ZNF423: variants seen among roughly 807,000 people sequenced by gnomAD.
ZNF423 encodes Ebf-associated zinc finger protein.
A neutral mutation model predicts 95.8 loss-of-function variants in ZNF423; 12 were observed. That is an observed-to-expected ratio of 0.13 (90% CI 0.08 to 0.20). The LOEUF (loss-of-function observed/expected upper bound fraction) is 0.20. Ranked by LOEUF, ZNF423 falls within the 10% of genes least tolerant of loss-of-function variation. The probability of loss-of-function intolerance (pLI) is 1.00; values close to 1 mark genes in which losing one functional copy is unlikely to be tolerated. For synonymous variants in ZNF423, 749 were observed against 711.9 expected (o/e 1.05, Z -0.83); for missense variants, 1,316 against 1,737.1 (o/e 0.76, Z 4.31).
chr16:49,855,506 C>T lies in ZNF423; in HGVS notation c.40+229G>A, dbSNP rs754658161. Among the ~76,000 whole-genome samples the T allele has an allele frequency of 2.5e-5, 3 of 119,342 alleles. No individual in the cohort carries two copies. Among genetic ancestry groups the T allele is most frequent in the Non-Finnish European group, 5.2e-5 (3 of 57,904 alleles). The allele number at this position is 119,342 out of a possible 152,430, so 78.3% of individuals were successfully genotyped here. A position where few individuals can be genotyped will look rare whatever the true frequency, so the allele number is the denominator to read the frequency against. On this transcript the variant is annotated intron_variant, in intron 1 of 7. Coordinates refer to ENST00000563137, the MANE Select transcript of ZNF423 (RefSeq NM_001379286.1). The surrounding 1 kb of genome is among the most constrained non-coding windows in gnomAD (Gnocchi z 4.7). ...GGGCAGGGAGGGTGTCCGCGGCGTA[C>T]CCCCTCCGCCGCCGCCGCCGCCGCC...
intron 5 of ZNF423, among the ~76,000 whole-genome samples, chr16:49,615,128 T>TCACACACACACACACACACACACACACA (rs557190259): frequency 1.0e-5 from 1 of 98,452 alleles, no homozygotes; most frequent in Non-Finnish European, 2.2e-5. Context: ...AGAAACTCCA[T>TCACACACACACACACACACACACACACA]CTCACACACA....
chr16:49,651,308 A>G (rs1973391576), intron 3 of ZNF423, among the ~76,000 whole-genome samples: 1 of 151,802 alleles, frequency 6.6e-6, no homozygotes, highest in South Asian at 2.1e-4. Context: ...TTACAGTCAT[A>G]AGCCACCACG....
At position 49,489,275 on chromosome 16, in the gene ZNF423, C is replaced by G. The variant is rs1966887647; in HGVS notation, c.*2000G>C. ...GTCCCATCGACAGTCCCAGCACTGC[C>G]CAAAAGGTAGGCCTGGCTGTGGATG... On this transcript the variant is annotated 3_prime_UTR_variant, in exon 8 of 8. Transcript: ENST00000563137. 6.6e-6 allele frequency: 1 copy of G among 152,232 alleles called. No homozygotes were observed. 9.4% of individuals were successfully genotyped at this position (152,232 alleles called of 1,614,324 possible).
chr16:49,640,740 C>G (rs1972948249), intron 3 of ZNF423: 2 of 152,560 alleles, frequency 1.3e-5, no homozygotes, highest in Admixed American at 1.3e-4. Context: ...CAACCCACCT[C>G]TGAAGCCCAG....
intron 5 of ZNF423, among the ~76,000 whole-genome samples, chr16:49,532,711 T>G (rs551702766): frequency 6.6e-6 from 1 of 152,296 alleles, no homozygotes; most frequent in African/African-American, 2.4e-5. Flanking sequence ...CAACGGAGAA[T>G]GAGCTCAACC....
intron 3 of ZNF423, among the ~76,000 whole-genome samples, chr16:49,677,309 A>ATGAG (rs2031132465): frequency 3.5e-5 from 3 of 85,354 alleles, no homozygotes; most frequent in African/African-American, 1.4e-4. Context: ...AAGAGAAGAG[A>ATGAG]AAGGAGGGGA....
chr16:49,714,239 C>T (rs528587162), intron 3 of ZNF423, among the ~76,000 whole-genome samples: 22 of 152,290 alleles, frequency 1.4e-4, no homozygotes, highest in Non-Finnish European at 1.6e-4. Context: ...GACGGTATGA[C>T]GAAGCACCCG....
chr16:49,677,228 AAAGAGAAGAGAAGAGAAGAT>A (rs1279307236), intron 3 of ZNF423, among the ~76,000 whole-genome samples: 914 of 57,192 alleles, frequency 0.016, 237 homozygotes, highest in African/African-American at 0.054. Flanking sequence ...AGAAACAAGA[AAAGAGAAGAGAAGAGAAGAT>A]AAGAGAAGAG....
chr16:49,854,593 C>T (rs946272323), intron 1 of ZNF423: 1 of 985,446 alleles, frequency 1.0e-6, no homozygotes, highest in Non-Finnish European at 1.2e-6. Context: ...ATCGTTCCCC[C>T]CTTCCTCGAT....
At chr16:49,596,594 C>T (rs1971185443) in intron 5 of ZNF423, among the ~76,000 whole-genome samples, 1 of 152,160 alleles carries the variant, frequency 6.6e-6, no homozygotes, top group Non-Finnish European at 1.5e-5. Context: ...ATGGAAAATG[C>T]TAATTTGTGT....
chr16:49,591,437 A>T (rs1259825325), intron 5 of ZNF423, among the ~76,000 whole-genome samples: 3 of 152,090 alleles, frequency 2.0e-5, no homozygotes, highest in African/African-American at 4.8e-5. Flanking sequence ...ATGCAAAAAC[A>T]GTATGGCCAT....
chr16:49,678,697 T>G (rs911962123), intron 3 of ZNF423, among the ~76,000 whole-genome samples: 1 of 152,186 alleles, frequency 6.6e-6, no homozygotes, highest in Non-Finnish European at 1.5e-5. Flanking sequence ...AGCTCATAAT[T>G]TGCACTGACA....
chr16:49,494,138 AC>A (rs796970525), intron 7 of ZNF423, among the ~76,000 whole-genome samples: 8 of 152,296 alleles, frequency 5.3e-5, no homozygotes, highest in African/African-American at 1.9e-4. Flanking sequence ...GAAGGCTGGA[AC>A]CCACACCTGG....
chr16:49,754,333 T>G (rs1218345977), intron 2 of ZNF423, among the ~76,000 whole-genome samples: 1 of 152,228 alleles, frequency 6.6e-6, no homozygotes, highest in African/African-American at 2.4e-5. Context: ...TAATCCCCGA[T>G]GCCTAGCACA....
At chr16:49,702,505 T>C (rs796818633) in intron 3 of ZNF423, among the ~76,000 whole-genome samples, 6 of 151,950 alleles carry the variant, frequency 3.9e-5, no homozygotes, top group African/African-American at 1.4e-4. Flanking sequence ...CACTGATCAC[T>C]GCAAGGCGTC....
In ZNF423 at chr16:49,637,980, A is replaced by C; in HGVS notation, c.1196T>G (p.Leu399Arg). 6.2e-7 allele frequency: 1 copy of C among 1,614,076 alleles called. No individual in the cohort carries two copies. The change falls in exon 4 of 8, where the codon CTG becomes CGG. Residue 399 changes from leucine to arginine, a missense_variant. Around this residue, in one of 6 missense-constraint regions of ZNF423, gnomAD observed 399 missense variants for 478.5 expected, o/e 0.83. Coordinates refer to ENST00000563137, the MANE Select transcript of ZNF423 (RefSeq NM_001379286.1). The surrounding 1 kb of genome is among the most constrained non-coding windows in gnomAD (Gnocchi z 5.6). ...ATCCCGCATCTTCTTCTGCCCCCGCAGCGGCTTCAAGGTGGAGTCCGGGGT... is the reference window on the plus strand; with the variant it reads ...ATCCCGCATCTTCTTCTGCCCCCGCCGCGGCTTCAAGGTGGAGTCCGGGGT... ...GSTPDSTLKP[L>R]RGQKKMRDDG... is the part of the protein sequence containing the mutation.
intron 7 of ZNF423, among the ~76,000 whole-genome samples, chr16:49,503,403 A>C (rs1967509845): frequency 6.6e-6 from 1 of 152,134 alleles, no homozygotes; most frequent in Admixed American, 6.5e-5. Flanking sequence ...ACCACAGCCC[A>C]GATGGCCCTC....
At chr16:49,731,041 C>T (rs576808785) in intron 2 of ZNF423, 70 bp from the exon 3 acceptor site, 15 of 1,530,000 alleles carry the variant, frequency 9.8e-6, no homozygotes, top group South Asian at 3.4e-5. Context: ...AAGAATCGCC[C>T]GGCATTTATT....
At chr16:49,524,784 G>A (rs956880373) in intron 6 of ZNF423, among the ~76,000 whole-genome samples, 4 of 152,200 alleles carry the variant, frequency 2.6e-5, no homozygotes, top group East Asian at 1.9e-4. Context: ...CACGCACACC[G>A]GCTGCCATCT....
Sources: allele counts gnomAD v4.1 joint callset (sites outside exome capture counted in the v4.1 genomes callset), GRCh38; gene constraint gnomAD v4.1.1; regional missense constraint gnomAD v4.1.1; non-coding constraint Gnocchi (gnomAD v3.1); transcripts MANE v1.5; gene names NCBI Gene and HGNC (gene_info 2026-07-23, HGNC 2026-07-21).